The following DOC2B variants were observed in gnomAD, a reference collection of about 807,000 sequenced individuals.
DOC2B encodes the protein double C2-like domain-containing protein beta.
A neutral mutation model predicts 28.9 loss-of-function variants in DOC2B; 21 were observed. The observed-to-expected ratio is 0.73, with a 90% CI of 0.52 to 1.05. The LOEUF is 1.05. Ranked by LOEUF, DOC2B falls within the 50% of genes least tolerant of loss-of-function variation. DOC2B has a pLI of 0.00. For synonymous variants in DOC2B, 194 were observed against 178.1 expected, an observed-to-expected ratio of 1.09 and a Z score of -0.71; for missense variants, 384 against 421.1, an observed-to-expected ratio of 0.91 and a Z score of 0.77.
chr17:181,253 G>A lies in DOC2B; in HGVS notation c.227C>T (p.Ala76Val). 8.2e-7 allele frequency: 1 copy of A among 1,212,680 alleles called. No homozygotes were observed. Among genetic ancestry groups the A allele is most frequent in the Non-Finnish European group, 1.0e-6 (1 of 975,916 alleles). 75.1% of individuals were successfully genotyped at this position (1,212,680 alleles called of 1,614,324 possible). A position where few individuals can be genotyped will look rare whatever the true frequency, so the allele number is the denominator to read the frequency against. Residue 76 changes from alanine (A) to valine (V), a missense_variant, in exon 1 of 9, where the codon GCC (alanine) becomes GTC (valine). Ala to Val is a moderately conservative substitution (Grantham distance 64). Transcript: ENST00000613549. This position sits in a 1 kb window ranked among gnomAD's most constrained non-coding sequence, Gnocchi z 7.0. ...GAGRRSPSDG[A>V]REDDEDVDQL... ...GTCCACATCCTCGTCGTCCTCGCGG[G>A]CGCCGTCGGAGGGGCTGCGGCGGCC...
rs2040011378 is a variant in DOC2B, at chr17:145,338, ACCTGGGTTTGAGT to A, written c.*2090_*2102del. The A allele has an allele frequency of 6.6e-6, 1 of 152,154 alleles. No homozygotes were observed. Among genetic ancestry groups the A allele is most frequent in the Non-Finnish European group, 1.5e-5 (1 of 68,098 alleles). 9.4% of individuals were successfully genotyped at this position (152,154 alleles called of 1,614,324 possible). ...AGAGAGAGAAAGCGGCAGTCAGAGG[ACCTGGGTTTGAGT>A]CCTGGTTCACCCCTTCCTGGCTGTG... On this transcript the variant is annotated 3_prime_UTR_variant, in exon 9 of 9. Transcript: ENST00000613549.
chr17:175,279 C>T (rs1402534433), intron 1 of DOC2B, among the ~76,000 whole-genome samples: 1 of 152,182 alleles, frequency 6.6e-6, no homozygotes, highest in Non-Finnish European at 1.5e-5. Flanking sequence ...GCCTGAGGCA[C>T]GTTCTCCTGA....
chr17:175,222 C>T (rs548965634), intron 1 of DOC2B, among the ~76,000 whole-genome samples: 4 of 152,296 alleles, frequency 2.6e-5, no homozygotes, highest in African/African-American at 7.2e-5. Flanking sequence ...GGCGACAGAG[C>T]GAGATCCTGT....
At chr17:161,859 G>A (rs1484396293) in intron 4 of DOC2B, among the ~76,000 whole-genome samples, 1 of 152,236 alleles carries the variant, frequency 6.6e-6, no homozygotes, top group Non-Finnish European at 1.5e-5. Flanking sequence ...GCCCCAGGAA[G>A]CACCTTCAGG....
At chr17:175,501 G>C (rs375506557) in intron 1 of DOC2B, among the ~76,000 whole-genome samples, 2 of 152,214 alleles carry the variant, frequency 1.3e-5, no homozygotes, top group East Asian at 3.8e-4. Context: ...ATAGTAAATG[G>C]ATCTGCTGTT....
rs1567533019 is a variant in DOC2B, at chr17:162,192, T to C, written c.529-2A>G. On this transcript the variant is annotated splice_acceptor_variant, in intron 3 of 8. Transcript: ENST00000613549. LOFTEE classifies it high-confidence loss of function. ...AGTTTTTGTTCTGAGCTTATTTGCC[T>C]GGAGAAGAGAAAAATGATCTTATTA... 6.5e-7 allele frequency: 1 copy of C among 1,548,240 alleles called. No individual in the cohort carries two copies. Among genetic ancestry groups the C allele is most frequent in the Non-Finnish European group, 8.7e-7 (1 of 1,143,768 alleles).
intron 6 of DOC2B, among the ~76,000 whole-genome samples, chr17:154,940 G>A (rs2040116408): frequency 6.6e-6 from 1 of 152,126 alleles, no homozygotes; most frequent in African/African-American, 2.4e-5. Flanking sequence ...TATTGGCCAA[G>A]CTGGTCTCAA....
At chr17:180,393 G>A (rs1399614821) in intron 1 of DOC2B, among the ~76,000 whole-genome samples, 2 of 152,036 alleles carry the variant, frequency 1.3e-5, no homozygotes, top group Admixed American at 6.6e-5. Context: ...CGGGAGGAGG[G>A]GGAGCGGGCT....
chr17:159,699 G>C (rs144251127), intron 5 of DOC2B, among the ~76,000 whole-genome samples: 1 of 152,082 alleles, frequency 6.6e-6, no homozygotes, highest in Non-Finnish European at 1.5e-5. Flanking sequence ...GCACTCCTGC[G>C]GTCACTGTGA....
chr17:165,470 A>G (rs1312708846), intron 2 of DOC2B, among the ~76,000 whole-genome samples: 4 of 146,376 alleles, frequency 2.7e-5, no homozygotes, highest in Non-Finnish European at 6.0e-5. Flanking sequence ...TGACAGAGTG[A>G]GACCCTGTCT....
chr17:142,812 T>TTATC lies in DOC2B; in HGVS notation c.*4625_*4628dup, dbSNP rs1202077631. 1.3e-5 allele frequency: 2 copies of TTATC among 152,154 alleles called. No individual in the cohort carries two copies. The highest frequency in any genetic ancestry group is 2.9e-5 in the Non-Finnish European group (2 of 68,034). 9.4% of individuals were successfully genotyped at this position (152,154 alleles called of 1,614,324 possible). ...AGTCGATGTTAGAAAGCAAAGGCTT[T>TTATC]TATCTCGAGAAATTTCTGACCTAAA... On this transcript the variant is annotated 3_prime_UTR_variant, in exon 9 of 9. Transcript: ENST00000613549.
intron 1 of DOC2B, among the ~76,000 whole-genome samples, chr17:177,111 G>GA (rs2040379091): frequency 6.9e-6 from 1 of 145,352 alleles, no homozygotes; most frequent in Non-Finnish European, 1.5e-5. Context: ...AAGGACCATA[G>GA]AAAATCATCA....
In DOC2B at chr17:143,732, A is replaced by C. The variant is rs1240317315; in HGVS notation, c.*3709T>G. On this transcript the variant is annotated 3_prime_UTR_variant, in exon 9 of 9. Coordinates refer to ENST00000613549, the MANE Select transcript of DOC2B (RefSeq NM_003585.5). ...TTCCATTTACTTTGGATTATATGTC[A>C]TTATAAATATTAACAAATAAGACTT... 2 of 152,082 alleles carry C rather than the reference A, an allele frequency of 1.3e-5. No individual in the cohort carries two copies. The highest frequency in any genetic ancestry group is 2.9e-5 in the Non-Finnish European group (2 of 68,010). 9.4% of individuals were successfully genotyped at this position (152,082 alleles called of 1,614,324 possible). A position where few individuals can be genotyped will look rare whatever the true frequency, so the allele number is the denominator to read the frequency against.
intron 7 of DOC2B, 81 bp from the exon 8 acceptor site, chr17:148,350 G>A (rs992234332): frequency 2.0e-4 from 79 of 398,242 alleles, no homozygotes; most frequent in Non-Finnish European, 3.3e-4. Flanking sequence ...GAGGTGTAGG[G>A]ACAGAGGAGG....
intron 1 of DOC2B, among the ~76,000 whole-genome samples, chr17:176,393 C>CGGG (rs201526820): frequency 6.2e-5 from 4 of 65,018 alleles, no homozygotes; most frequent in Admixed American, 2.3e-4. Flanking sequence ...GGTGTTGGTG[C>CGGG]GGGGGGTGCG....
At chr17:154,775 G>A (rs912047622) in intron 6 of DOC2B, among the ~76,000 whole-genome samples, 5 of 152,102 alleles carry the variant, frequency 3.3e-5, no homozygotes, top group Non-Finnish European at 7.3e-5. Flanking sequence ...TGTCACCCTG[G>A]CTGGAGTGCA....
chr17:146,862 G>C lies in DOC2B; in HGVS notation c.*579C>G, dbSNP rs2040023035. On this transcript the variant is annotated 3_prime_UTR_variant, in exon 9 of 9. Coordinates refer to ENST00000613549, the MANE Select transcript of DOC2B (RefSeq NM_003585.5). ...GCCCTGTGTCTCATTCACCCCCAGG[G>C]CTTGTGGAATCATTGAGTGAAGCAT... 6.6e-6 allele frequency: 1 copy of C among 152,316 alleles called. No homozygotes were observed. Among genetic ancestry groups the C allele is most frequent in the Non-Finnish European group, 1.5e-5 (1 of 68,082 alleles). 9.4% of individuals were successfully genotyped at this position (152,316 alleles called of 1,614,324 possible).
intron 8 of DOC2B, 139 bp downstream of exon 8, chr17:148,034 G>C (rs1264923326): frequency 5.1e-6 from 2 of 395,562 alleles, no homozygotes; most frequent in Non-Finnish European, 8.9e-6. Context: ...CAAGGGTCAG[G>C]CTGGAGAAGG....
At chr17:158,937 G>A (rs1431071503) in intron 5 of DOC2B, among the ~76,000 whole-genome samples, 6 of 149,252 alleles carry the variant, frequency 4.0e-5, no homozygotes, top group African/African-American at 1.5e-4. Flanking sequence ...CCCAGCTATT[G>A]GGAGGCTGAG....
Sources: allele counts gnomAD v4.1 joint callset (sites outside exome capture counted in the v4.1 genomes callset), GRCh38; gene constraint gnomAD v4.1.1; non-coding constraint Gnocchi (gnomAD v3.1); transcripts MANE v1.5; gene names NCBI Gene and HGNC (gene_info 2026-07-23, HGNC 2026-07-21).